FNDC3B: variants seen among roughly 807,000 people sequenced by gnomAD.
The protein encoded by FNDC3B is fibronectin type III domain containing 3B.
In FNDC3B, 12 loss-of-function variants were observed where a neutral mutation model predicts 151.5. The ratio of observed to expected loss-of-function variants is 0.08; its 90% CI spans 0.05 to 0.13. FNDC3B has a LOEUF of 0.13. Ranked by LOEUF, FNDC3B falls within the 10% of genes least tolerant of loss-of-function variation. FNDC3B has a pLI of 1.00. For missense variants in FNDC3B, 1,214 were observed against 1,505.3 expected (o/e 0.81, Z 3.20); for synonymous variants, 528 against 549.0 (o/e 0.96, Z 0.54).
intron 6 of FNDC3B, among the ~76,000 whole-genome samples, chr3:172,266,349 TC>T (rs1330962492): frequency 6.6e-6 from 1 of 152,176 alleles, no homozygotes; most frequent in Non-Finnish European, 1.5e-5. Context: ...TTCTTTTTTT[TC>T]CCCCATAGAG....
At chr3:172,370,554 C>A (rs1160269852) in intron 23 of FNDC3B, among the ~76,000 whole-genome samples, 1 of 152,172 alleles carries the variant, frequency 6.6e-6, no homozygotes, top group African/African-American at 2.4e-5. Flanking sequence ...AAAGTTCCTG[C>A]CAAGTGAACA....
At chr3:172,057,816 C>T (rs528715025) in intron 1 of FNDC3B, among the ~76,000 whole-genome samples, 2 of 150,778 alleles carry the variant, frequency 1.3e-5, no homozygotes, top group South Asian at 2.1e-4. Context: ...TATTTCCTTG[C>T]AGTAGGCAGG....
At chr3:172,268,844 A>C (rs1237627031) in intron 6 of FNDC3B, among the ~76,000 whole-genome samples, 1 of 152,192 alleles carries the variant, frequency 6.6e-6, no homozygotes, top group African/African-American at 2.4e-5. Context: ...TTTCCATACA[A>C]ATATCAGTCA....
chr3:172,098,481 G>C (rs1719199253), intron 1 of FNDC3B, among the ~76,000 whole-genome samples: 1 of 152,124 alleles, frequency 6.6e-6, no homozygotes, highest in Non-Finnish European at 1.5e-5. Flanking sequence ...GGTATTTAAG[G>C]AATCGGTATT....
At chr3:172,213,187 A>G (rs1725815631) in intron 3 of FNDC3B, among the ~76,000 whole-genome samples, 1 of 152,208 alleles carries the variant, frequency 6.6e-6, no homozygotes, top group Non-Finnish European at 1.5e-5. Flanking sequence ...ATTTCTGTGC[A>G]GACAGCCTAA....
At chr3:172,241,709 G>T (rs187199822) in intron 4 of FNDC3B, among the ~76,000 whole-genome samples, 1 of 152,128 alleles carries the variant, frequency 6.6e-6, no homozygotes, top group Non-Finnish European at 1.5e-5. Flanking sequence ...CCCACAACAT[G>T]TAGAAATGCA....
chr3:172,119,592 C>A (rs935262523), intron 2 of FNDC3B, among the ~76,000 whole-genome samples: 1 of 152,132 alleles, frequency 6.6e-6, no homozygotes, highest in Non-Finnish European at 1.5e-5. Flanking sequence ...CTAGAACTAT[C>A]CAGACTTTGT....
chr3:172,228,000 A>G (rs1370522116), intron 4 of FNDC3B, among the ~76,000 whole-genome samples: 1 of 152,208 alleles, frequency 6.6e-6, no homozygotes, highest in Non-Finnish European at 1.5e-5. Flanking sequence ...CCATTTTTTC[A>G]AGTGTAAGGC....
chr3:172,074,615 TA>T (rs1214056758), intron 1 of FNDC3B, among the ~76,000 whole-genome samples: 1 of 152,230 alleles, frequency 6.6e-6, no homozygotes, highest in Admixed American at 6.5e-5. Context: ...ATGTTGCAGA[TA>T]TCTTAGTTTG....
intron 25 of FNDC3B, among the ~76,000 whole-genome samples, chr3:172,394,858 C>A (rs973559893): frequency 1.3e-5 from 2 of 152,088 alleles, no homozygotes; most frequent in Non-Finnish European, 2.9e-5. Context: ...TGCTAGCAAA[C>A]CCAATTCAAC....
chr3:172,266,124 G>C (rs895267134), intron 6 of FNDC3B, among the ~76,000 whole-genome samples: 5 of 152,172 alleles, frequency 3.3e-5, no homozygotes, highest in African/African-American at 1.2e-4. Flanking sequence ...GTATTAATAG[G>C]AGAATGGATT....
intron 25 of FNDC3B, among the ~76,000 whole-genome samples, chr3:172,381,449 T>G (rs1037595095): frequency 1.1e-4 from 17 of 152,210 alleles, no homozygotes; most frequent in African/African-American, 3.9e-4. Context: ...AGTCTCTTTT[T>G]TTGTTGTTGT....
At chr3:172,299,424 A>G (rs1403943307) in intron 9 of FNDC3B, among the ~76,000 whole-genome samples, 2 of 152,224 alleles carry the variant, frequency 1.3e-5, no homozygotes, top group Non-Finnish European at 2.9e-5. Context: ...TGTAAGGAGG[A>G]AAGTGTTATC....
At chr3:172,254,210 G>A (rs1315963480) in intron 6 of FNDC3B, among the ~76,000 whole-genome samples, 1 of 152,146 alleles carries the variant, frequency 6.6e-6, no homozygotes, top group Admixed American at 6.5e-5. Context: ...ATAAATACAT[G>A]TATTAAAAAG....
chr3:172,188,562 C>T (rs572357237), intron 3 of FNDC3B, among the ~76,000 whole-genome samples: 36 of 152,162 alleles, frequency 2.4e-4, no homozygotes, highest in African/African-American at 7.2e-4. Flanking sequence ...GGTGCCACCA[C>T]GCCCGGCTAA....
Position 172,251,516 on chromosome 3 carries a change from A to T in FNDC3B, c.765A>T (p.Pro255=), listed in dbSNP as rs746783116. The change falls in exon 6 of 26, where the codon CCA becomes CCT. Residue 255 remains proline (P), a synonymous_variant. Transcript: ENST00000415807. ...KKTERRARSS[P]KSNDSDLQEY... ...CAGAGCGACGAGCAAGAAGCAGCCCAAAGTCGAATGATTCAGACTTGCAAG... is the reference window on the plus strand; with the variant it reads ...CAGAGCGACGAGCAAGAAGCAGCCCTAAGTCGAATGATTCAGACTTGCAAG... 3 of 1,613,512 alleles carry T rather than the reference A, an allele frequency of 1.9e-6. No individual in the cohort carries two copies. The highest frequency in any genetic ancestry group is 2.5e-6 in the Non-Finnish European group (3 of 1,179,728).
Position 172,397,811 on chromosome 3 carries a change from T to G in FNDC3B, c.*336T>G, listed in dbSNP as rs2108402817. The G allele has an allele frequency of 6.1e-6, 1 of 164,378 alleles. No individual in the cohort carries two copies. Among genetic ancestry groups the G allele is most frequent in the African/African-American group, 2.4e-5 (1 of 41,824 alleles). The allele number at this position is 164,378 out of a possible 1,614,324, so 10.2% of individuals were successfully genotyped here. On this transcript the variant is annotated 3_prime_UTR_variant, in exon 26 of 26. Coordinates refer to ENST00000415807, the MANE Select transcript of FNDC3B (RefSeq NM_022763.4). ...TTTGCAAGCCTTTGATTTTTTTTTT[T>G]TTGTTACAGTTTAGTAATTTATATT...
At chr3:172,230,258 C>T (rs542512399) in intron 4 of FNDC3B, among the ~76,000 whole-genome samples, 45 of 151,410 alleles carry the variant, frequency 3.0e-4, no homozygotes, top group Middle Eastern at 6.8e-3. Flanking sequence ...TTTGGGAGGC[C>T]GAGGCAGGTG....
intron 23 of FNDC3B, among the ~76,000 whole-genome samples, chr3:172,363,615 C>G (rs552683799): frequency 6.6e-6 from 1 of 152,296 alleles, no homozygotes; most frequent in East Asian, 1.9e-4. Flanking sequence ...CCCTGCTTAC[C>G]TACTGACACA....
Sources: gnomAD v4.1 joint callset for allele counts (sites outside exome capture counted in the v4.1 genomes callset) on GRCh38, gnomAD v4.1.1 for gene constraint, MANE v1.5 for transcripts, NCBI Gene and HGNC (gene_info 2026-07-23, HGNC 2026-07-21) for gene names.